MSRB3: variants seen among roughly 807,000 people sequenced by gnomAD.
The protein encoded by MSRB3 is methionine-R-sulfoxide reductase B3.
A neutral mutation model predicts 21.0 loss-of-function variants in MSRB3; 13 were observed. The ratio of observed to expected loss-of-function variants is 0.62; its 90% CI spans 0.40 to 0.98. The LOEUF is 0.98. Among genes scored for constraint, MSRB3 ranks in the 50% least tolerant of loss-of-function variants. The pLI is 0.00. For missense variants in MSRB3, 199 were observed against 230.3 expected (o/e 0.86, Z 0.88); for synonymous variants, 87 against 88.6 (o/e 0.98, Z 0.10).
intron 2 of MSRB3, among the ~76,000 whole-genome samples, chr12:65,320,631 T>G (rs1874602668): frequency 6.6e-6 from 1 of 152,122 alleles, no homozygotes. Flanking sequence ...ACAAAGCAAA[T>G]TAGCAGAACC....
intron 4 of MSRB3, among the ~76,000 whole-genome samples, chr12:65,355,541 T>C (rs1049967204): frequency 6.6e-6 from 1 of 151,904 alleles, no homozygotes; most frequent in African/African-American, 2.4e-5. Flanking sequence ...TTCATTCATG[T>C]CTTGATTTGT....
At chr12:65,384,131 T>A (rs1207261769) in intron 5 of MSRB3, among the ~76,000 whole-genome samples, 2 of 152,246 alleles carry the variant, frequency 1.3e-5, no homozygotes, top group African/African-American at 4.8e-5. Flanking sequence ...TTATGCATTT[T>A]CAAAGTACTT....
chr12:65,449,823 G>A (rs1350377080), intron 5 of MSRB3, among the ~76,000 whole-genome samples: 12 of 152,042 alleles, frequency 7.9e-5, no homozygotes, highest in Admixed American at 7.9e-4. Flanking sequence ...GACAATGAGG[G>A]CCACATTTTC....
At chr12:65,329,064 A>G (rs1200155148) in intron 4 of MSRB3, among the ~76,000 whole-genome samples, 2 of 152,226 alleles carry the variant, frequency 1.3e-5, no homozygotes, top group Non-Finnish European at 2.9e-5. Context: ...ACATGGGAAC[A>G]TACCTTTACA....
intron 5 of MSRB3, among the ~76,000 whole-genome samples, chr12:65,403,434 G>A (rs957067911): frequency 6.6e-6 from 1 of 152,152 alleles, no homozygotes; most frequent in African/African-American, 2.4e-5. Flanking sequence ...TCAAGCCTCA[G>A]TAATGGTGGA....
At chr12:65,289,519 C>A (rs1267762259) in intron 1 of MSRB3, among the ~76,000 whole-genome samples, 4 of 152,028 alleles carry the variant, frequency 2.6e-5, no homozygotes, top group African/African-American at 9.7e-5. Flanking sequence ...TAAAAGTTAT[C>A]ATCTGCTGTG....
chr12:65,421,641 T>C (rs897207266), intron 5 of MSRB3, among the ~76,000 whole-genome samples: 1 of 152,156 alleles, frequency 6.6e-6, no homozygotes, highest in Non-Finnish European at 1.5e-5. Flanking sequence ...GCTTCTTCAG[T>C]GAAGGAGAAA....
chr12:65,370,260 C>T (rs575746586), intron 5 of MSRB3, among the ~76,000 whole-genome samples: 13 of 151,992 alleles, frequency 8.6e-5, no homozygotes, highest in Admixed American at 2.6e-4. Flanking sequence ...CAAAATAAGA[C>T]GAAAAATCTT....
intron 5 of MSRB3, chr12:65,419,331 G>A: frequency 1.3e-6 from 1 of 757,864 alleles, no homozygotes; most frequent in Admixed American, 1.7e-5. Context: ...TCAAACCAGA[G>A]CTGACAATCT....
chr12:65,329,799 A>G (rs1875293700), intron 4 of MSRB3, among the ~76,000 whole-genome samples: 1 of 152,202 alleles, frequency 6.6e-6, no homozygotes, highest in African/African-American at 2.4e-5. Flanking sequence ...GCATTTACTG[A>G]TTTTCCAGAA....
intron 4 of MSRB3, among the ~76,000 whole-genome samples, chr12:65,353,266 T>A (rs1877152115): frequency 6.6e-6 from 1 of 152,146 alleles, no homozygotes; most frequent in Non-Finnish European, 1.5e-5. Context: ...CTGAGTTCAG[T>A]TCCTGGATAT....
intron 5 of MSRB3, among the ~76,000 whole-genome samples, chr12:65,444,929 C>G (rs1469078289): frequency 1.3e-5 from 2 of 152,168 alleles, no homozygotes; most frequent in African/African-American, 4.8e-5. Context: ...CGTTTATATT[C>G]ATCCCTCCTA....
intron 5 of MSRB3, among the ~76,000 whole-genome samples, chr12:65,449,026 G>C (rs751941231): frequency 1.3e-4 from 20 of 151,926 alleles, no homozygotes; most frequent in Non-Finnish European, 2.1e-4. Context: ...TCAGTTAAGT[G>C]AATATTTTAT....
chr12:65,405,545 G>A (rs1171853293), intron 5 of MSRB3, among the ~76,000 whole-genome samples: 1 of 151,872 alleles, frequency 6.6e-6, no homozygotes, highest in Admixed American at 6.6e-5. Flanking sequence ...ATGCTGTAGT[G>A]TACCTAGAGG....
intron 5 of MSRB3, among the ~76,000 whole-genome samples, chr12:65,384,269 G>A (rs929479117): frequency 7.9e-5 from 12 of 151,826 alleles, no homozygotes; most frequent in African/African-American, 2.7e-4. Context: ...TGATTTTTTC[G>A]AAAGATATTT....
intron 5 of MSRB3, among the ~76,000 whole-genome samples, chr12:65,402,084 G>A (rs1452195358): frequency 6.6e-6 from 1 of 152,096 alleles, no homozygotes; most frequent in Non-Finnish European, 1.5e-5. Flanking sequence ...TGGCGATTAT[G>A]TGTCTTGGGG....
chr12:65,377,693 T>C (rs1250271098), intron 5 of MSRB3, among the ~76,000 whole-genome samples: 1 of 152,220 alleles, frequency 6.6e-6, no homozygotes, highest in East Asian at 1.9e-4. Context: ...TAGAAATACA[T>C]AACTAATGAT....
At chr12:65,443,341 C>T (rs549121201) in intron 5 of MSRB3, among the ~76,000 whole-genome samples, 8 of 152,092 alleles carry the variant, frequency 5.3e-5, no homozygotes, top group South Asian at 4.2e-4. Context: ...AAGGCTACAC[C>T]GTTTGTACAT....
intron 2 of MSRB3, among the ~76,000 whole-genome samples, chr12:65,317,881 A>G (rs954213777): frequency 1.3e-5 from 2 of 152,206 alleles, no homozygotes; most frequent in Non-Finnish European, 2.9e-5. Flanking sequence ...TTAAATAGCA[A>G]TAATTAAAGT....
Sources: allele counts gnomAD v4.1 joint callset (sites outside exome capture counted in the v4.1 genomes callset), GRCh38; gene constraint gnomAD v4.1.1; transcripts MANE v1.5; gene names NCBI Gene and HGNC (gene_info 2026-07-23, HGNC 2026-07-21).